The following PDHX variants were observed in gnomAD, a reference collection of about 807,000 sequenced individuals.
PDHX encodes pyruvate dehydrogenase complex component X, also known as pyruvate dehydrogenase protein X component, mitochondrial.
A neutral mutation model predicts 55.3 loss-of-function variants in PDHX; 33 were observed. The ratio of observed to expected loss-of-function variants is 0.60; its 90% CI spans 0.45 to 0.80. PDHX has a LOEUF of 0.80. Among genes scored for constraint, PDHX ranks in the 30% least tolerant of loss-of-function variants. The pLI is 0.00. For missense variants in PDHX, 622 were observed against 619.9 expected (o/e 1.00, Z -0.04); for synonymous variants, 226 against 219.4 (o/e 1.03, Z -0.27).
chr11:34,959,967 A>G (rs1854989122), intron 4 of PDHX, among the ~76,000 whole-genome samples: 1 of 152,216 alleles, frequency 6.6e-6, no homozygotes. Flanking sequence ...CTGGAGATAG[A>G]TGGTGGTGAT....
At chr11:34,947,418 T>C in intron 2 of PDHX, 88 bp from the exon 3 acceptor site, 1 of 859,474 alleles carries the variant, frequency 1.2e-6, no homozygotes, top group Admixed American at 2.0e-5. Flanking sequence ...AATATTTTGG[T>C]ATTTATTTAT....
chr11:34,957,471 C>T lies in PDHX; in HGVS notation c.430C>T (p.Pro144Ser). The change falls in exon 4 of 11, where the codon CCC becomes TCC. Residue 144 changes from proline to serine, a missense_variant. Coordinates refer to ENST00000227868, the MANE Select transcript of PDHX (RefSeq NM_003477.3). The part of the protein sequence containing the change: ...EGEDWKHVEI[P>S]KDVGPPPPVS... ...AGAAGATTGGAAACATGTTGAAATT[C>T]CCAAAGACGTAGGTCCTCCACCACC... 6.2e-7 allele frequency: 1 copy of T among 1,613,672 alleles called. No homozygotes were observed. The highest frequency in any genetic ancestry group is 8.5e-7 in the Non-Finnish European group (1 of 1,179,658).
In PDHX at chr11:34,960,496, C is replaced by A. The variant is rs1381967667; in HGVS notation, c.619C>A (p.Pro207Thr). ...TGCTAGCCAGGGCACAGCCACTGGCCCTCGGGGGATATTCACTAAAGAGTA... is the reference window on the plus strand; with the variant it reads ...TGCTAGCCAGGGCACAGCCACTGGCACTCGGGGGATATTCACTAAAGAGTA... Reference protein sequence around the residue: ...LDASQGTATGPRGIFTKEDAL... With the variant: ...LDASQGTATGTRGIFTKEDAL... The change falls in exon 5 of 11, where the codon CCT (proline) becomes ACT (threonine). Residue 207 changes from proline (P) to threonine (T), a missense_variant. Coordinates refer to ENST00000227868, the MANE Select transcript of PDHX (RefSeq NM_003477.3). 1 of 1,604,030 alleles carries A rather than the reference C, an allele frequency of 6.2e-7. No homozygotes were observed. The highest frequency in any genetic ancestry group is 2.2e-5 in the East Asian group (1 of 44,732).
intron 1 of PDHX, among the ~76,000 whole-genome samples, chr11:34,927,567 A>G (rs545636199): frequency 1.1e-4 from 16 of 152,184 alleles, no homozygotes; most frequent in African/African-American, 3.1e-4. Context: ...TGTCACTTCA[A>G]GTTTATCTTA....
intron 4 of PDHX, among the ~76,000 whole-genome samples, chr11:34,958,780 G>T (rs887152013): frequency 8.5e-5 from 13 of 152,124 alleles, no homozygotes; most frequent in African/African-American, 3.1e-4. Context: ...CCCTAATTAA[G>T]ATCAGTCATC....
chr11:34,989,291 T>A (rs1855711858), intron 9 of PDHX, among the ~76,000 whole-genome samples: 1 of 152,224 alleles, frequency 6.6e-6, no homozygotes, highest in African/African-American at 2.4e-5. Flanking sequence ...ATGTATAGAG[T>A]TCAGTACTAT....
chr11:34,951,450 T>C (rs1196367723), intron 3 of PDHX, among the ~76,000 whole-genome samples: 1 of 152,208 alleles, frequency 6.6e-6, no homozygotes, highest in African/African-American at 2.4e-5. Flanking sequence ...TGGCCAGTGA[T>C]GATGAGCATT....
At chr11:34,993,413 A>G (rs190732908) in intron 10 of PDHX, among the ~76,000 whole-genome samples, 5 of 152,068 alleles carry the variant, frequency 3.3e-5, no homozygotes, top group African/African-American at 9.6e-5. Flanking sequence ...GTTATCTTCT[A>G]AAAGCATTTA....
intron 2 of PDHX, among the ~76,000 whole-genome samples, chr11:34,945,919 A>T (rs1040757027): frequency 2.0e-5 from 3 of 152,180 alleles, no homozygotes; most frequent in African/African-American, 4.8e-5. Flanking sequence ...CTCTTTGATG[A>T]TGAGAGTATA....
At chr11:34,992,237 A>T in intron 9 of PDHX, 78 bp from the exon 10 acceptor site, 1 of 797,380 alleles carries the variant, frequency 1.3e-6, no homozygotes, top group South Asian at 1.4e-5. Flanking sequence ...AGAGTATATG[A>T]TGTACAAATA....
chr11:34,970,173 G>A lies in PDHX; in HGVS notation c.851G>A (p.Arg284Gln), dbSNP rs763853325. 5.1e-5 allele frequency: 82 copies of A among 1,612,740 alleles called. 1 individual carries two copies. Among genetic ancestry groups the A allele is most frequent in the South Asian group, 6.6e-5 (6 of 91,056 alleles). ...ACTGAAATCCCCGCCAGCAATATTC[G>A]AAGAGTTATTGCCAAGAGATTAACT... is the stretch of plus-strand genomic sequence containing the variant. ...TFTEIPASNI[R>Q]RVIAKRLTES... Residue 284 changes from arginine (R) to glutamine (Q), a missense_variant, in exon 7 of 11, where the codon CGA (arginine) becomes CAA (glutamine). By Grantham distance (43) the Arg-to-Gln change is conservative. Transcript: ENST00000227868.
At position 34,995,116 on chromosome 11, in the gene PDHX, A is replaced by G. The variant is rs748511132; in HGVS notation, c.1450A>G (p.Thr484Ala). 3.7e-6 allele frequency: 6 copies of G among 1,614,064 alleles called. No individual in the cohort carries two copies. The highest frequency in any genetic ancestry group is 1.7e-4 in the Middle Eastern group (1 of 6,058). ...DSRVVDDELA[T>A]RFLKSFKANL... ...TCGAGTGGTTGATGACGAACTGGCA[A>G]CCAGGTTTCTTAAAAGTTTTAAAGC... Residue 484 changes from threonine to alanine, a missense_variant, in exon 11 of 11, where the codon ACC (threonine) becomes GCC (alanine). By Grantham distance (58) the Thr-to-Ala change is moderately conservative. Coordinates refer to ENST00000227868, the MANE Select transcript of PDHX (RefSeq NM_003477.3).
At chr11:34,928,321 C>G (rs1027674969) in intron 1 of PDHX, among the ~76,000 whole-genome samples, 1 of 150,814 alleles carries the variant, frequency 6.6e-6, no homozygotes, top group African/African-American at 2.4e-5. Context: ...ATGAAATATT[C>G]TGTTCATAAT....
intron 2 of PDHX, 62 bp downstream of exon 2, chr11:34,931,546 T>TG (rs1274845242): frequency 8.5e-6 from 8 of 942,650 alleles, no homozygotes; most frequent in African/African-American, 3.3e-5. Context: ...GTTTTGTTTT[T>TG]TTTTTTCCTA....
At chr11:34,925,663 A>G (rs1271898959) in intron 1 of PDHX, among the ~76,000 whole-genome samples, 4 of 152,198 alleles carry the variant, frequency 2.6e-5, no homozygotes, top group African/African-American at 7.2e-5. Context: ...AATGACTACT[A>G]TTGTCATTTT....
At chr11:34,926,920 A>G (rs1302799930) in intron 1 of PDHX, among the ~76,000 whole-genome samples, 1 of 152,112 alleles carries the variant, frequency 6.6e-6, no homozygotes, top group Non-Finnish European at 1.5e-5. Context: ...TGTAAAATTC[A>G]GTGATTGGTA....
intron 3 of PDHX, among the ~76,000 whole-genome samples, chr11:34,953,528 GGAAA>G (rs1373381267): frequency 6.6e-6 from 1 of 152,150 alleles, no homozygotes; most frequent in African/African-American, 2.4e-5. Context: ...CAGATTGTGA[GGAAA>G]GATAGTTTAT....
At position 34,995,036 on chromosome 11, in the gene PDHX, GA is replaced by G. The variant is rs1246067167; in HGVS notation, c.1373del (p.Asn458MetfsTer10). The G allele has an allele frequency of 6.2e-7, 1 of 1,614,048 alleles. No homozygotes were observed. The highest frequency in any genetic ancestry group is 8.5e-7 in the Non-Finnish European group (1 of 1,179,942). On this transcript the variant is annotated frameshift_variant, in exon 11 of 11. Coordinates refer to ENST00000227868, the MANE Select transcript of PDHX (RefSeq NM_003477.3). LOFTEE classifies it high-confidence loss of function. ...PVLKLTEDEE[G>X]NAKLQQRQLI... ...CTGAAGCTCACTGAGGATGAAGAGG[GA>G]AATGCCAAACTGCAGCAGCGCCAGC...
chr11:34,968,829 T>G (rs1342294555), intron 6 of PDHX, among the ~76,000 whole-genome samples: 2 of 152,232 alleles, frequency 1.3e-5, no homozygotes, highest in Non-Finnish European at 2.9e-5. Context: ...GAATACACTT[T>G]GAGACACACT....
Sources: allele counts gnomAD v4.1 joint callset (sites outside exome capture counted in the v4.1 genomes callset), GRCh38; gene constraint gnomAD v4.1.1; transcripts MANE v1.5; gene names NCBI Gene and HGNC (gene_info 2026-07-23, HGNC 2026-07-21).